The following NUP58 variants were observed in gnomAD, a reference collection of about 807,000 sequenced individuals.
NUP58 encodes nucleoporin 58.
A neutral mutation model predicts 70.1 loss-of-function variants in NUP58; 17 were observed. The observed-to-expected ratio is 0.24, with a 90% CI of 0.17 to 0.36. The LOEUF (loss-of-function observed/expected upper bound fraction) is 0.36, where lower values mean the gene tolerates loss of function less well. Among genes scored for constraint, NUP58 ranks in the 10% least tolerant of loss-of-function variants. The pLI, the probability that NUP58 is intolerant of heterozygous loss-of-function variation, is 1.00. For synonymous variants in NUP58, 275 were observed against 257.6 expected (o/e 1.07, Z -0.65); for missense variants, 644 against 701.5 (o/e 0.92, Z 0.93).
chr13:25,311,582 C>A (rs1166483130), intron 3 of NUP58, among the ~76,000 whole-genome samples: 1 of 151,728 alleles, frequency 6.6e-6, no homozygotes, highest in African/African-American at 2.4e-5. Flanking sequence ...ACCATGTTGG[C>A]CAGGCTGGTC....
intron 1 of NUP58, among the ~76,000 whole-genome samples, chr13:25,305,912 CA>C (rs1319442066): frequency 5.3e-5 from 8 of 152,062 alleles, no homozygotes; most frequent in Admixed American, 3.9e-4. Flanking sequence ...GCTTGGAGTA[CA>C]GTTATTTGTG....
Position 25,331,914 on chromosome 13 carries a change from C to G in NUP58, c.1435+356C>G, listed in dbSNP as rs931826403. 2.0e-5 allele frequency: 21 copies of G among 1,067,578 alleles called. No individual in the cohort carries two copies. In the African/African-American group the frequency reaches 3.5e-4, roughly 18 times the overall value. The allele number at this position is 1,067,578 out of a possible 1,614,324, so 66.1% of individuals were successfully genotyped here. A position where few individuals can be genotyped will look rare whatever the true frequency, so the allele number is the denominator to read the frequency against. On this transcript the variant is annotated intron_variant, in intron 13 of 15. Transcript: ENST00000381736. ...CATTTATTGTTTTAAAGTCAGAGAT[C>G]ATCCATCCATTCTTTGAATTTTTCA...
intron 5 of NUP58, among the ~76,000 whole-genome samples, chr13:25,314,375 C>G (rs2030827800): frequency 6.6e-6 from 1 of 152,060 alleles, no homozygotes; most frequent in Admixed American, 6.6e-5. Flanking sequence ...ATTGTATTAG[C>G]TCAGTAATGC....
chr13:25,320,881 T>C, intron 8 of NUP58, 38 bp from the exon 9 acceptor site: 2 of 1,316,370 alleles, frequency 1.5e-6, no homozygotes, highest in Non-Finnish European at 2.1e-6. Flanking sequence ...AAACCAAAGA[T>C]ACATTTTTTA....
chr13:25,305,146 T>TTTTTGTTTG (rs2030274172), intron 1 of NUP58, among the ~76,000 whole-genome samples: 1 of 41,760 alleles, frequency 2.4e-5, no homozygotes, highest in Non-Finnish European at 8.3e-5. Flanking sequence ...TTTTTTTTTT[T>TTTTTGTTTG]TTTTTTTTTT....
intron 13 of NUP58, chr13:25,333,851 C>G: frequency 1.0e-6 from 1 of 985,258 alleles, no homozygotes; most frequent in Non-Finnish European, 1.2e-6. Context: ...TGTTTTTATA[C>G]ATCACTGTTG....
At chr13:25,320,402 C>A in intron 7 of NUP58, 128 bp from the exon 8 acceptor site, 1 of 597,360 alleles carries the variant, frequency 1.7e-6, no homozygotes, top group Non-Finnish European at 3.0e-6. Flanking sequence ...TTGAAATCAT[C>A]CAGAGAAGCC....
chr13:25,325,156 A>G, intron 10 of NUP58, 88 bp downstream of exon 10: 1 of 927,894 alleles, frequency 1.1e-6, no homozygotes, highest in Non-Finnish European at 1.7e-6. Flanking sequence ...TATTTTTAGT[A>G]TACTATGTGG....
At chr13:25,331,818 C>T in intron 13 of NUP58, 2 of 1,276,932 alleles carry the variant, frequency 1.6e-6, no homozygotes, top group Non-Finnish European at 2.0e-6. Context: ...TATAAATGCC[C>T]TTTAGAACAT....
chr13:25,308,013 T>C, intron 2 of NUP58, 65 bp downstream of exon 2: 1 of 1,567,508 alleles, frequency 6.4e-7, no homozygotes, highest in East Asian at 2.2e-5. Context: ...AATTGTGTCC[T>C]GTATCTCTCT....
intron 3 of NUP58, among the ~76,000 whole-genome samples, chr13:25,311,696 AG>A (rs2030677020): frequency 7.3e-6 from 1 of 137,748 alleles, no homozygotes; most frequent in African/African-American, 2.8e-5. Context: ...TTTTTTTTTA[AG>A]GTAACCAAGA....
chr13:25,332,161 CAAG>C (rs2031631069), intron 13 of NUP58: 29 of 986,118 alleles, frequency 2.9e-5, no homozygotes, highest in Non-Finnish European at 3.4e-5. Flanking sequence ...AACAGAACAG[CAAG>C]AGCAGGAAAA....
At chr13:25,315,126 G>C (rs1166268203) in intron 5 of NUP58, among the ~76,000 whole-genome samples, 2 of 152,004 alleles carry the variant, frequency 1.3e-5, no homozygotes, top group Non-Finnish European at 2.9e-5. Context: ...TATATGTTCT[G>C]GCCCTCGTAA....
chr13:25,319,909 G>T (rs1017094314), intron 7 of NUP58, among the ~76,000 whole-genome samples: 4 of 152,028 alleles, frequency 2.6e-5, no homozygotes, highest in African/African-American at 9.7e-5. Context: ...CTATTTAAAT[G>T]AAGAAGATTA....
intron 12 of NUP58, among the ~76,000 whole-genome samples, chr13:25,328,501 T>TTCTCATGCC (rs1006691184): frequency 6.6e-6 from 1 of 151,490 alleles, no homozygotes; most frequent in African/African-American, 2.4e-5. Context: ...GTTCAAGTGA[T>TTCTCATGCC]TCTCATGCCT....
intron 13 of NUP58, chr13:25,333,213 G>A (rs2031670952): frequency 6.1e-6 from 6 of 985,222 alleles, no homozygotes; most frequent in Non-Finnish European, 7.2e-6. Context: ...TGAGCTTGTG[G>A]ACATATGGAG....
At chr13:25,310,278 T>A (rs191006397) in intron 3 of NUP58, among the ~76,000 whole-genome samples, 1 of 140,814 alleles carries the variant, frequency 7.1e-6, no homozygotes, top group Non-Finnish European at 1.5e-5. Context: ...TGGAGTGCAA[T>A]GGTGCAATCT....
chr13:25,333,081 A>C (rs369507686), intron 13 of NUP58: 2 of 985,326 alleles, frequency 2.0e-6, no homozygotes, highest in African/African-American at 3.5e-5. Context: ...AATATATTCT[A>C]TGATAAATAC....
intron 5 of NUP58, among the ~76,000 whole-genome samples, 191 bp downstream of exon 5, chr13:25,313,942 A>G (rs1340880972): frequency 6.6e-6 from 1 of 151,938 alleles, no homozygotes; most frequent in African/African-American, 2.4e-5. Flanking sequence ...TTATTTATTT[A>G]TTTTGAGATG....
Sources: allele counts gnomAD v4.1 joint callset (sites outside exome capture counted in the v4.1 genomes callset), GRCh38; gene constraint gnomAD v4.1.1; transcripts MANE v1.5; gene names NCBI Gene and HGNC (gene_info 2026-07-23, HGNC 2026-07-21).